STK32B: variants seen among roughly 807,000 people sequenced by gnomAD.
The protein encoded by STK32B is serine/threonine kinase 32B, also known as serine/threonine-protein kinase 32B.
A neutral mutation model predicts 52.6 loss-of-function variants in STK32B; 43 were observed. That is an observed-to-expected ratio of 0.82 (90% confidence interval 0.64 to 1.05). The LOEUF (loss-of-function observed/expected upper bound fraction) is 1.05, where lower values mean the gene tolerates loss of function less well. Ranked by LOEUF, STK32B falls within the 50% of genes least tolerant of loss-of-function variation. The probability of loss-of-function intolerance (pLI) is 0.00; values close to 1 mark genes in which losing one functional copy is unlikely to be tolerated. For synonymous variants in STK32B, 238 were observed against 204.3 expected (o/e 1.17, Z -1.41); for missense variants, 621 against 534.6 (o/e 1.16, Z -1.59).
chr4:5,097,015 C>T (rs1713439805), intron 1 of STK32B, among the ~76,000 whole-genome samples: 1 of 152,190 alleles, frequency 6.6e-6, no homozygotes, highest in African/African-American at 2.4e-5. Flanking sequence ...AAATAAGAAA[C>T]TTATCCAACT....
intron 1 of STK32B, among the ~76,000 whole-genome samples, chr4:5,108,101 A>G (rs764832901): frequency 6.6e-6 from 1 of 152,118 alleles, no homozygotes; most frequent in Non-Finnish European, 1.5e-5. Flanking sequence ...ACCATTATTT[A>G]GCAATTTTCT....
intron 3 of STK32B, among the ~76,000 whole-genome samples, chr4:5,237,655 T>G (rs1724721639): frequency 6.6e-6 from 1 of 152,172 alleles, no homozygotes; most frequent in Non-Finnish European, 1.5e-5. Flanking sequence ...TTAATGAGAA[T>G]GGATCATTGC....
intron 3 of STK32B, among the ~76,000 whole-genome samples, chr4:5,223,844 A>G (rs1207282745): frequency 6.7e-6 from 1 of 149,056 alleles, no homozygotes; most frequent in Non-Finnish European, 1.5e-5. Flanking sequence ...AAGTAACATT[A>G]TTCTCCAACT....
intron 4 of STK32B, among the ~76,000 whole-genome samples, chr4:5,387,905 G>A (rs1392151791): frequency 4.6e-5 from 7 of 152,104 alleles, no homozygotes; most frequent in Admixed American, 1.3e-4. Flanking sequence ...CCACATGCCC[G>A]GCTAATTTTT....
chr4:5,495,185 C>A (rs1465821039), intron 11 of STK32B, among the ~76,000 whole-genome samples: 1 of 152,166 alleles, frequency 6.6e-6, no homozygotes, highest in Non-Finnish European at 1.5e-5. Context: ...CAACTTGGTT[C>A]CGTTTTCCCT....
chr4:5,090,729 A>G (rs4444766), intron 1 of STK32B, among the ~76,000 whole-genome samples: 143,225 of 152,176 alleles, frequency 0.94, 67,995 homozygotes, highest in East Asian at 1. Flanking sequence ...AATTTTCTGC[A>G]TATGGCTAGC....
chr4:5,477,460 A>C (rs369705580), intron 11 of STK32B, among the ~76,000 whole-genome samples: 15 of 152,332 alleles, frequency 9.8e-5, no homozygotes, highest in Middle Eastern at 3.4e-3. Context: ...GCTCTGGCTC[A>C]GAATGGCTCA....
At chr4:5,225,701 G>C (rs966494101) in intron 3 of STK32B, among the ~76,000 whole-genome samples, 6 of 152,172 alleles carry the variant, frequency 3.9e-5, no homozygotes, top group African/African-American at 1.4e-4. Flanking sequence ...ATGGCCATTA[G>C]ACAAGAGAAG....
intron 3 of STK32B, among the ~76,000 whole-genome samples, chr4:5,285,626 T>C (rs1303541910): frequency 6.6e-6 from 1 of 152,064 alleles, no homozygotes; most frequent in East Asian, 1.9e-4. Context: ...TCACATAAAA[T>C]TGAGAAATGT....
chr4:5,405,642 T>A (rs544985336), intron 5 of STK32B, among the ~76,000 whole-genome samples: 1 of 152,030 alleles, frequency 6.6e-6, no homozygotes, highest in Non-Finnish European at 1.5e-5. Flanking sequence ...TGGCAGAAGG[T>A]GAAGGGGAAG....
At chr4:5,099,786 G>A (rs1713624766) in intron 1 of STK32B, among the ~76,000 whole-genome samples, 1 of 152,132 alleles carries the variant, frequency 6.6e-6, no homozygotes. Flanking sequence ...GGGACAGCAG[G>A]CACAGGAATG....
At chr4:5,326,566 C>T (rs926387788) in intron 3 of STK32B, among the ~76,000 whole-genome samples, 2 of 152,038 alleles carry the variant, frequency 1.3e-5, no homozygotes, top group African/African-American at 2.4e-5. Flanking sequence ...TTTTCTAGTG[C>T]CTTTAAAAGT....
rs542838491 is a variant in STK32B, at chr4:5,483,825, C to T, written c.1107-15120C>T. 3.9e-5 allele frequency among the ~76,000 whole-genome samples: 6 copies of T among 152,222 alleles called. No individual in the cohort carries two copies. The East Asian group carries it at 1.2e-3, about 29-fold the overall frequency. ...TTGGTTTCAAAGAACATCTTTATTT[C>T]TGCCTTCATTTCGTTGTGTACCCAG... On this transcript the variant is annotated intron_variant, in intron 11 of 11. Transcript: ENST00000282908.
chr4:5,191,190 G>A (rs1483617342), intron 3 of STK32B, among the ~76,000 whole-genome samples: 3 of 151,966 alleles, frequency 2.0e-5, no homozygotes, highest in Admixed American at 1.3e-4. Context: ...AGTTCCTTAG[G>A]GTCACTTGGG....
chr4:5,024,845 CT>C, the STK32B span, among the ~76,000 whole-genome samples: 1 of 152,202 alleles, frequency 6.6e-6, no homozygotes, highest in East Asian at 1.9e-4. Context: ...GGTTAAAAAT[CT>C]GTATGTCATC....
At chr4:5,177,404 A>G (rs1311124605) in intron 3 of STK32B, among the ~76,000 whole-genome samples, 1 of 152,162 alleles carries the variant, frequency 6.6e-6, no homozygotes, top group Non-Finnish European at 1.5e-5. Flanking sequence ...GGTCCCTCCC[A>G]TGACATGTGG....
chr4:5,477,088 G>T (rs532894744), intron 11 of STK32B, among the ~76,000 whole-genome samples: 1 of 152,198 alleles, frequency 6.6e-6, no homozygotes, highest in Non-Finnish European at 1.5e-5. Context: ...GCTAAGCAGA[G>T]CAAGGAAACA....
chr4:5,049,288 C>G (rs1231286574), upstream of STK32B, among the ~76,000 whole-genome samples: 2 of 152,062 alleles, frequency 1.3e-5, no homozygotes, highest in Non-Finnish European at 2.9e-5. Flanking sequence ...CCTCCGCCTC[C>G]CAGGTTCAAG....
intron 1 of STK32B, among the ~76,000 whole-genome samples, chr4:5,135,043 G>A (rs1715993582): frequency 6.6e-6 from 1 of 152,222 alleles, no homozygotes; most frequent in African/African-American, 2.4e-5. Flanking sequence ...GATTTACCCA[G>A]TGTGATCAAT....
Sources: gnomAD v4.1 joint callset for allele counts (sites outside exome capture counted in the v4.1 genomes callset) on GRCh38, gnomAD v4.1.1 for gene constraint, MANE v1.5 for transcripts, NCBI Gene and HGNC (gene_info 2026-07-23, HGNC 2026-07-21) for gene names.